ZMYND12: variants seen among roughly 807,000 people sequenced by gnomAD.
The protein encoded by ZMYND12 is zinc finger MYND-type containing 12.
A neutral mutation model predicts 41.7 loss-of-function variants in ZMYND12; 32 were observed. That is an observed-to-expected ratio of 0.77 (90% CI 0.58 to 1.03). The LOEUF (loss-of-function observed/expected upper bound fraction) is 1.03, where lower values mean the gene tolerates loss of function less well. Among genes scored for constraint, ZMYND12 ranks in the 50% least tolerant of loss-of-function variants. ZMYND12 has a pLI of 0.00. For missense variants in ZMYND12, 424 were observed against 438.5 expected, an observed-to-expected ratio of 0.97 and a Z score of 0.30; for synonymous variants, 148 against 164.8, an observed-to-expected ratio of 0.90 and a Z score of 0.78.
intron 1 of ZMYND12, 142 bp downstream of exon 1, chr1:42,455,746 C>G: frequency 1.6e-6 from 1 of 612,984 alleles, no homozygotes; most frequent in Non-Finnish European, 2.9e-6. Flanking sequence ...CCACGGGAGT[C>G]TTAGGGGCCT....
chr1:42,449,898 G>C lies in ZMYND12; in HGVS notation c.252+20C>G. On this transcript the variant is annotated intron_variant, in intron 2 of 7. Coordinates refer to ENST00000372565, the MANE Select transcript of ZMYND12 (RefSeq NM_032257.5). ...TCACCGCACCTACGACTTAACCTTGGAAAGTGCCGTAGGCCCTACCTGCCG... is the reference window on the plus strand; with the variant it reads ...TCACCGCACCTACGACTTAACCTTGCAAAGTGCCGTAGGCCCTACCTGCCG... 1 of 1,607,632 alleles carries C rather than the reference G, an allele frequency of 6.2e-7. No individual in the cohort carries two copies. Among genetic ancestry groups the C allele is most frequent in the South Asian group, 1.1e-5 (1 of 91,050 alleles).
intron 2 of ZMYND12, 66 bp downstream of exon 2, chr1:42,449,852 C>A: frequency 6.3e-7 from 1 of 1,584,842 alleles, no homozygotes; most frequent in South Asian, 1.1e-5. Flanking sequence ...CAACACAGTT[C>A]GAGCCTTGTC....
In ZMYND12 at chr1:42,430,359, C is replaced by G. The variant is rs41303417; in HGVS notation, c.*377G>C. 106 of 176,926 alleles carry G rather than the reference C, an allele frequency of 6.0e-4. 5 individuals carry two copies. Among genetic ancestry groups the G allele is most frequent in the South Asian group, 2.1e-3 (13 of 6,260 alleles). The allele number at this position is 176,926 out of a possible 1,614,324, so 11.0% of individuals were successfully genotyped here. On this transcript the variant is annotated 3_prime_UTR_variant, in exon 8 of 8. Coordinates refer to ENST00000372565, the MANE Select transcript of ZMYND12 (RefSeq NM_032257.5). Reference sequence around the variant, plus strand: ...TCCAATATAGCTTTATTCCCTACCCCCTCCTTTACCCCTCCTTTAGCAAAA... The same window carrying G: ...TCCAATATAGCTTTATTCCCTACCCGCTCCTTTACCCCTCCTTTAGCAAAA...
At chr1:42,442,911 T>A (rs1642985293) in intron 3 of ZMYND12, among the ~76,000 whole-genome samples, 1 of 152,196 alleles carries the variant, frequency 6.6e-6, no homozygotes, top group Admixed American at 6.5e-5. Context: ...CTGGCTCATG[T>A]GAACATGGCA....
intron 6 of ZMYND12, among the ~76,000 whole-genome samples, chr1:42,433,518 A>G (rs1461023044): frequency 1.3e-5 from 2 of 152,222 alleles, no homozygotes; most frequent in Admixed American, 6.5e-5. Context: ...TTAGCATGCC[A>G]TTATCAGAGT....
intron 6 of ZMYND12, among the ~76,000 whole-genome samples, chr1:42,433,528 T>A (rs759566148): frequency 1.7e-4 from 26 of 152,160 alleles, no homozygotes; most frequent in Non-Finnish European, 2.8e-4. Flanking sequence ...ATTATCAGAG[T>A]AGCCTAAAAA....
At chr1:42,440,825 C>T (rs952688987) in intron 3 of ZMYND12, among the ~76,000 whole-genome samples, 9 of 152,004 alleles carry the variant, frequency 5.9e-5, no homozygotes, top group South Asian at 2.1e-4. Context: ...TGCACCACCA[C>T]GCCCCACTAA....
At chr1:42,453,023 T>C (rs1643098992) in intron 1 of ZMYND12, among the ~76,000 whole-genome samples, 4 of 151,470 alleles carry the variant, frequency 2.6e-5, no homozygotes, top group Admixed American at 2.0e-4. Context: ...CTGACTTTCT[T>C]GTTCCTTAAA....
In ZMYND12 at chr1:42,439,653, G is replaced by C. The variant is rs191814914; in HGVS notation, c.594+203C>G. Among the ~76,000 whole-genome samples the C allele has an allele frequency of 2.6e-3, 398 of 152,272 alleles. 1 individual carries two copies. Among genetic ancestry groups the C allele is most frequent in the Admixed American group, 5.0e-3 (76 of 15,300 alleles). On this transcript the variant is annotated intron_variant, in intron 4 of 7. Coordinates refer to ENST00000372565, the MANE Select transcript of ZMYND12 (RefSeq NM_032257.5). ...CTTCAGGAATATGTGACCTGGCCAA[G>C]GTTGAATAGCTATGAAGTAGAAATG...
chr1:42,431,794 T>TA (rs1642856596), intron 7 of ZMYND12, among the ~76,000 whole-genome samples: 1 of 152,184 alleles, frequency 6.6e-6, no homozygotes, highest in East Asian at 1.9e-4. Flanking sequence ...CAGGTAGGGT[T>TA]AGTGCCCTGT....
At chr1:42,437,721 G>A (rs1165905281) in intron 4 of ZMYND12, among the ~76,000 whole-genome samples, 5 of 150,644 alleles carry the variant, frequency 3.3e-5, no homozygotes, top group African/African-American at 7.3e-5. Context: ...TCACTCTGTC[G>A]CCCAGGCTGG....
At chr1:42,445,236 C>A (rs1643010907) in intron 3 of ZMYND12, among the ~76,000 whole-genome samples, 1 of 151,514 alleles carries the variant, frequency 6.6e-6, no homozygotes, top group South Asian at 2.1e-4. Context: ...AGTTCAAGAC[C>A]AGCCTGGGCA....
At chr1:42,434,514 G>A (rs1318887442) in intron 6 of ZMYND12, among the ~76,000 whole-genome samples, 3 of 152,046 alleles carry the variant, frequency 2.0e-5, no homozygotes, top group South Asian at 2.1e-4. Flanking sequence ...GGGGTGGTAG[G>A]GGCGAGTAAA....
intron 1 of ZMYND12, among the ~76,000 whole-genome samples, chr1:42,455,598 A>G (rs1643156141): frequency 2.0e-5 from 3 of 152,218 alleles, no homozygotes; most frequent in Admixed American, 2.0e-4. Flanking sequence ...TTTGTCTCCC[A>G]CATTGGAATG....
rs1158457352 is a variant in ZMYND12 at position 42,433,216 on chromosome 1, T to A, written c.902A>T (p.Lys301Ile). The A allele has an allele frequency of 2.5e-6, 4 of 1,612,772 alleles. No individual in the cohort carries two copies. The Admixed American group carries it at 5.0e-5, about 20-fold the overall frequency. The stretch of plus-strand genomic sequence containing the variant: ...AACAAAGATGGTTTTTTGGGGGGCT[T>A]TGTCAGATGTAGATTCTCGAATGTT... Reference protein sequence around the residue: ...ILNIRESTSDKAPQKTIFVLK... With the variant: ...ILNIRESTSDIAPQKTIFVLK... Residue 301 changes from lysine to isoleucine, a missense_variant, in exon 7 of 8, where the codon AAA (lysine) becomes ATA (isoleucine). Coordinates refer to ENST00000372565, the MANE Select transcript of ZMYND12 (RefSeq NM_032257.5).
rs113384623 is a variant in ZMYND12, at chr1:42,430,403, G to A, written c.*333C>T. The A allele has an allele frequency of 2.4e-5, 5 of 205,606 alleles. No homozygotes were observed. Among genetic ancestry groups the A allele is most frequent in the African/African-American group, 1.1e-4 (5 of 43,992 alleles). The allele number at this position is 205,606 out of a possible 1,614,324, so 12.7% of individuals were successfully genotyped here. A position where few individuals can be genotyped will look rare whatever the true frequency, so the allele number is the denominator to read the frequency against. On this transcript the variant is annotated 3_prime_UTR_variant, in exon 8 of 8. Coordinates refer to ENST00000372565, the MANE Select transcript of ZMYND12 (RefSeq NM_032257.5). Reference sequence around the variant, plus strand: ...AGCAAAAGTGTATGAAACATGCATCGTTGGAAGACTTCTGGGAAATGACAA... The same window carrying A: ...AGCAAAAGTGTATGAAACATGCATCATTGGAAGACTTCTGGGAAATGACAA...
At chr1:42,435,610 T>A in intron 5 of ZMYND12, 1 of 466,858 alleles carries the variant, frequency 2.1e-6, no homozygotes, top group Non-Finnish European at 3.9e-6. Flanking sequence ...CATCTTGGGG[T>A]AGCCCTAGTG....
intron 4 of ZMYND12, among the ~76,000 whole-genome samples, 192 bp downstream of exon 4, chr1:42,439,664 T>G (rs1288893574): frequency 1.3e-5 from 2 of 152,164 alleles, no homozygotes; most frequent in African/African-American, 4.8e-5. Context: ...GTTGAATAGC[T>G]ATGAAGTAGA....
At chr1:42,431,161 A>C (rs1331723086) in intron 7 of ZMYND12, among the ~76,000 whole-genome samples, 1 of 152,204 alleles carries the variant, frequency 6.6e-6, no homozygotes, top group Admixed American at 6.5e-5. Flanking sequence ...CCATCACTGG[A>C]GGGCATAGAG....
Sources: allele counts gnomAD v4.1 joint callset (sites outside exome capture counted in the v4.1 genomes callset), GRCh38; gene constraint gnomAD v4.1.1; transcripts MANE v1.5; gene names NCBI Gene and HGNC (gene_info 2026-07-23, HGNC 2026-07-21).